Variants in PIEZO2 observed in about 807,000 individuals in gnomAD.
PIEZO2 encodes piezo type mechanosensitive ion channel component 2.
A neutral mutation model predicts 337.3 loss-of-function variants in PIEZO2; 172 were observed. The observed-to-expected ratio is 0.51, with a 90% CI of 0.45 to 0.58. The LOEUF (loss-of-function observed/expected upper bound fraction) is 0.58, where lower values mean the gene tolerates loss of function less well. PIEZO2 is among the 20% of genes least tolerant of loss of function. The pLI, the probability that PIEZO2 is intolerant of heterozygous loss-of-function variation, is 0.00. For missense variants in PIEZO2, 3,028 were observed against 3,391.3 expected (o/e 0.89, Z 2.66); for synonymous variants, 1,251 against 1,228.5 (o/e 1.02, Z -0.38).
chr18:10,730,902 A>G (rs966669513), intron 36 of PIEZO2, among the ~76,000 whole-genome samples: 1 of 151,640 alleles, frequency 6.6e-6, no homozygotes, highest in Admixed American at 6.6e-5. Flanking sequence ...AATTTTTTGT[A>G]TTTTTAGTAG....
chr18:10,723,467 G>A (rs114872950), intron 36 of PIEZO2, among the ~76,000 whole-genome samples: 2,252 of 152,298 alleles, frequency 0.015, 43 homozygotes, highest in African/African-American at 0.052. Flanking sequence ...AGGAGCAGAT[G>A]GAGGGAGATG....
intron 3 of PIEZO2, among the ~76,000 whole-genome samples, chr18:10,934,089 C>T (rs947814056): frequency 7.9e-5 from 12 of 152,146 alleles, no homozygotes; most frequent in Admixed American, 1.3e-4. Context: ...GGCATGATGC[C>T]GCTATTTTTC....
At position 10,709,785 on chromosome 18, in the gene PIEZO2, A is replaced by G. The variant is rs373694267; in HGVS notation, c.5424-1346T>C. 7.0e-4 allele frequency among the ~76,000 whole-genome samples: 106 copies of G among 152,370 alleles called. 1 individual carries two copies. Among genetic ancestry groups the G allele is most frequent in the African/African-American group, 2.5e-3 (104 of 41,570 alleles). Reference sequence around the variant, plus strand: ...CCATGCTGCTGTGCATGTTACAGCTATGTGACCAAGACAGGGGCAGCCAGT... The same window carrying G: ...CCATGCTGCTGTGCATGTTACAGCTGTGTGACCAAGACAGGGGCAGCCAGT... On this transcript the variant is annotated intron_variant, in intron 39 of 55. Coordinates refer to ENST00000674853, the MANE Select transcript of PIEZO2 (RefSeq NM_001378183.1).
chr18:10,691,300 C>A lies in PIEZO2; in HGVS notation c.7274G>T (p.Cys2425Phe). Residue 2425 changes from cysteine (C) to phenylalanine (F), a missense_variant, in exon 48 of 56, where the codon TGT becomes TTT. Cys to Phe is a radical substitution (Grantham distance 205). Transcript: ENST00000674853. ...YFGLSAYQIRCGYPTRVLGNF... is the reference protein window; with the variant it reads ...YFGLSAYQIRFGYPTRVLGNF... ...CCCCAGGACTCGCGTTGGGTAGCCACAACGGATCTGGTAAGCAGACAACCC... is the reference window on the plus strand; with the variant it reads ...CCCCAGGACTCGCGTTGGGTAGCCAAAACGGATCTGGTAAGCAGACAACCC... 1 of 1,614,114 alleles carries A rather than the reference C, an allele frequency of 6.2e-7. No individual in the cohort carries two copies. The highest frequency in any genetic ancestry group is 8.5e-7 in the Non-Finnish European group (1 of 1,179,998).
intron 1 of PIEZO2, among the ~76,000 whole-genome samples, chr18:11,107,255 C>T (rs988197751): frequency 6.6e-6 from 1 of 152,148 alleles, no homozygotes; most frequent in African/African-American, 2.4e-5. Flanking sequence ...GTCATAAATA[C>T]AATAGAAGTG....
intron 33 of PIEZO2, chr18:10,740,710 A>G (rs7236319): frequency 0.018 from 8,707 of 480,978 alleles, 473 homozygotes; most frequent in African/African-American, 0.13. Flanking sequence ...AGGGCTCTCG[A>G]CCTCAGAATT....
Position 11,148,672 on chromosome 18 carries a change from T to G in PIEZO2, c.-84A>C. 1.4e-6 allele frequency: 2 copies of G among 1,416,970 alleles called. No homozygotes were observed. The highest frequency in any genetic ancestry group is 9.6e-7 in the Non-Finnish European group (1 of 1,044,434). The allele number at this position is 1,416,970 out of a possible 1,614,324, so 87.8% of individuals were successfully genotyped here. A position where few individuals can be genotyped will look rare whatever the true frequency, so the allele number is the denominator to read the frequency against. ...GGGACGCAAGGCCCATGCCCGTCTA[T>G]GGCCTCTCGCCGCCGGCAGCTCGCA... On this transcript the variant is annotated 5_prime_UTR_variant, in exon 1 of 56. Transcript: ENST00000674853. The surrounding 1 kb of genome is among the most constrained non-coding windows in gnomAD (Gnocchi z 5.2).
At position 10,673,742 on chromosome 18, in the gene PIEZO2, T is replaced by C. The variant is rs984673783; in HGVS notation, c.8162-869A>G. Among the ~76,000 whole-genome samples the C allele has an allele frequency of 6.6e-6, 1 of 152,116 alleles. No individual in the cohort carries two copies. The highest frequency in any genetic ancestry group is 1.5e-5 in the Non-Finnish European group (1 of 68,010). ...TCCCCTGAGAAACATGGTGGTGAAC[T>C]ATAAACTAAACTGTGTGAAGGTGGG... On this transcript the variant is annotated intron_variant, in intron 54 of 55. Transcript: ENST00000674853. The surrounding 1 kb of genome is among the most constrained non-coding windows in gnomAD (Gnocchi z 4.8).
chr18:10,740,739 T>C (rs2037183820), intron 33 of PIEZO2: 1 of 555,456 alleles, frequency 1.8e-6, no homozygotes, highest in Admixed American at 3.0e-5. Context: ...TAATATTCAA[T>C]TCTTCTTCCC....
chr18:10,907,663 C>T (rs1053461347), intron 4 of PIEZO2, among the ~76,000 whole-genome samples: 1 of 152,134 alleles, frequency 6.6e-6, no homozygotes, highest in African/African-American at 2.4e-5. Context: ...TTCAAAGCCA[C>T]CCTCACTGAT....
At chr18:11,026,613 T>C (rs1000873957) in intron 2 of PIEZO2, among the ~76,000 whole-genome samples, 1 of 152,236 alleles carries the variant, frequency 6.6e-6, no homozygotes, top group Non-Finnish European at 1.5e-5. Context: ...GAGATACATA[T>C]ACTAAAGCAT....
chr18:10,842,300 C>G (rs2041221711), intron 7 of PIEZO2, among the ~76,000 whole-genome samples: 1 of 151,780 alleles, frequency 6.6e-6, no homozygotes, highest in African/African-American at 2.4e-5. Context: ...GATGTTTGTC[C>G]CCTCCAAATC....
rs1419309220 is a variant in PIEZO2, at chr18:10,775,935, T to C, written c.2535-1897A>G. ...ACAAAAAAAGAAAAAAAAAAAGAAATTATGTATCAGGCTGTCATTTACTAG... is the reference window on the plus strand; with the variant it reads ...ACAAAAAAAGAAAAAAAAAAAGAAACTATGTATCAGGCTGTCATTTACTAG... On this transcript the variant is annotated intron_variant, in intron 18 of 55. Transcript: ENST00000674853. This position sits in a 1 kb window ranked among gnomAD's most constrained non-coding sequence, Gnocchi z 4.3. Among the ~76,000 whole-genome samples the C allele has an allele frequency of 6.6e-6, 1 of 152,054 alleles. No individual in the cohort carries two copies. The highest frequency in any genetic ancestry group is 1.5e-5 in the Non-Finnish European group (1 of 68,014).
Position 10,952,222 on chromosome 18 carries a change from AT to A in PIEZO2, c.286+27312del, listed in dbSNP as rs952519095. Among the ~76,000 whole-genome samples, 3 of 151,832 alleles carry A rather than the reference AT, an allele frequency of 2.0e-5. No homozygotes were observed. Among genetic ancestry groups the A allele is most frequent in the African/African-American group, 7.3e-5 (3 of 41,326 alleles). ...TGTGGTCGCTGGCTCTTTTTAAATC[AT>A]TTTTTTTCTTATTAGATTATAAGTT... On this transcript the variant is annotated intron_variant, in intron 3 of 55. Coordinates refer to ENST00000674853, the MANE Select transcript of PIEZO2 (RefSeq NM_001378183.1). This position sits in a 1 kb window ranked among gnomAD's most constrained non-coding sequence, Gnocchi z 4.1.
chr18:10,801,292 T>G (rs1215968408), intron 10 of PIEZO2, 98 bp downstream of exon 10: 3 of 1,108,940 alleles, frequency 2.7e-6, no homozygotes, highest in Non-Finnish European at 3.8e-6. Flanking sequence ...TATGGAAATT[T>G]TAATAGATCA....
chr18:11,011,805 G>C (rs2035913158), intron 2 of PIEZO2, among the ~76,000 whole-genome samples: 1 of 152,136 alleles, frequency 6.6e-6, no homozygotes, highest in Non-Finnish European at 1.5e-5. Flanking sequence ...CATAACTCTT[G>C]ATATAGCTAT....
intron 1 of PIEZO2, among the ~76,000 whole-genome samples, chr18:11,068,539 G>A (rs2038230802): frequency 6.6e-6 from 1 of 151,996 alleles, no homozygotes; most frequent in African/African-American, 2.4e-5. Context: ...AGCAAAAGCA[G>A]TTCTAAGAGA....
intron 7 of PIEZO2, among the ~76,000 whole-genome samples, chr18:10,843,964 A>G (rs1181891492): frequency 6.6e-6 from 1 of 152,240 alleles, no homozygotes; most frequent in East Asian, 1.9e-4. Context: ...CTGGAACAGG[A>G]TGGTAGGAAG....
intron 4 of PIEZO2, among the ~76,000 whole-genome samples, chr18:10,910,058 C>T (rs1386206318): frequency 2.0e-5 from 3 of 152,154 alleles, no homozygotes; most frequent in African/African-American, 7.2e-5. Context: ...TTTATTATTT[C>T]CTTTGTATAC....
Sources: allele counts gnomAD v4.1 joint callset (sites outside exome capture counted in the v4.1 genomes callset), GRCh38; gene constraint gnomAD v4.1.1; non-coding constraint Gnocchi (gnomAD v3.1); transcripts MANE v1.5; gene names NCBI Gene and HGNC (gene_info 2026-07-23, HGNC 2026-07-21).